POLA1: variants seen among roughly 807,000 people sequenced by gnomAD.
POLA1 encodes DNA polymerase alpha catalytic subunit.
In POLA1, 15 loss-of-function variants were observed where a neutral mutation model predicts 124.0. The ratio of observed to expected loss-of-function variants is 0.12; its 90% CI spans 0.08 to 0.19. The LOEUF is 0.19. Among genes scored for constraint, POLA1 ranks in the 10% least tolerant of loss-of-function variants. POLA1 has a pLI of 1.00. For synonymous variants in POLA1, 408 were observed against 389.4 expected, an observed-to-expected ratio of 1.05 and a Z score of -0.56; for missense variants, 886 against 1,103.4, an observed-to-expected ratio of 0.80 and a Z score of 2.79.
At chrX:24,698,237 C>T (rs1202557254) in intron 1 of POLA1, among the ~76,000 whole-genome samples, 4 of 111,739 alleles carry the variant, frequency 3.6e-5, no homozygotes, top group South Asian at 3.7e-4. Context: ...CCACTGCATC[C>T]GCTTGAATTT....
chrX:24,711,319 G>A (rs1284968042), intron 4 of POLA1, among the ~76,000 whole-genome samples: 1 of 112,254 alleles, frequency 8.9e-6, no homozygotes, highest in Non-Finnish European at 1.9e-5. Context: ...ATGTTATAGA[G>A]GTTTTGTACT....
intron 27 of POLA1, among the ~76,000 whole-genome samples, chrX:24,810,476 T>G (rs2045880906): frequency 9.0e-6 from 1 of 111,536 alleles, no homozygotes; most frequent in Admixed American, 9.5e-5. Flanking sequence ...TCCACTCCAC[T>G]CTCTATTTTA....
At position 24,768,807 on chromosome X, in the gene POLA1, T is replaced by C. The variant is rs891342715; in HGVS notation, c.2964+19815T>C. Among the ~76,000 whole-genome samples the C allele has an allele frequency of 2.7e-5, 3 of 111,940 alleles. No homozygotes were observed. The Admixed American group carries it at 2.8e-4, about 11-fold the overall frequency. The stretch of plus-strand genomic sequence containing the variant: ...TTCTGCACGGTGAATATTAAGCTCC[T>C]AAAGTGTTTGTTGCCCGGAAACAGC... On this transcript the variant is annotated intron_variant, in intron 26 of 36. Coordinates refer to ENST00000379068, the MANE Select transcript of POLA1 (RefSeq NM_001330360.2).
At chrX:24,723,126 TTTCTC>T in intron 10 of POLA1, 24 bp from the exon 11 acceptor site, 1 of 1,016,745 alleles carries the variant, frequency 9.8e-7, no homozygotes, top group East Asian at 3.0e-5. Flanking sequence ...AAATGTTTCT[TTTCTC>T]GTGATTTTCA....
chrX:24,934,983 A>G (rs772813941), intron 36 of POLA1, among the ~76,000 whole-genome samples: 1 of 111,381 alleles, frequency 9.0e-6, no homozygotes, highest in East Asian at 2.8e-4. Flanking sequence ...GGCCTCCCAA[A>G]GTGCTGGGAT....
intron 34 of POLA1, among the ~76,000 whole-genome samples, chrX:24,873,702 G>A (rs2046897328): frequency 8.9e-6 from 1 of 111,781 alleles, no homozygotes; most frequent in Non-Finnish European, 1.9e-5. Context: ...TTTGGGTGTG[G>A]TGGCTCAAAC....
chrX:24,909,472 G>A (rs2147176254), intron 35 of POLA1, among the ~76,000 whole-genome samples: 1 of 111,432 alleles, frequency 9.0e-6, no homozygotes, highest in East Asian at 2.8e-4. Context: ...AGTTTTCCCA[G>A]CACCATTTAT....
chrX:24,718,349 C>G (rs760150052), intron 10 of POLA1, among the ~76,000 whole-genome samples: 2 of 111,061 alleles, frequency 1.8e-5, no homozygotes, highest in Admixed American at 9.6e-5. Context: ...CCAGGGGAGG[C>G]CTGTCTGAGG....
intron 35 of POLA1, among the ~76,000 whole-genome samples, chrX:24,929,850 C>T (rs992145631): frequency 9.0e-6 from 1 of 111,683 alleles, no homozygotes. Flanking sequence ...GGTCATTAAA[C>T]GAGTGTTTTG....
chrX:24,779,840 A>G (rs186697498), intron 26 of POLA1, among the ~76,000 whole-genome samples: 1 of 112,388 alleles, frequency 8.9e-6, no homozygotes, highest in Non-Finnish European at 1.9e-5. Flanking sequence ...GAGTAGAGCC[A>G]GGATGCAAAT....
chrX:24,699,297 TA>T (rs1367664826), intron 1 of POLA1, 127 bp from the exon 2 acceptor site: 44 of 439,639 alleles, frequency 1.0e-4, no homozygotes, highest in Middle Eastern at 7.0e-4. Flanking sequence ...ATTTACATTA[TA>T]AACATTATCT....
intron 4 of POLA1, among the ~76,000 whole-genome samples, chrX:24,706,643 A>G (rs964918559): frequency 3.6e-5 from 4 of 112,251 alleles, no homozygotes; most frequent in African/African-American, 1.3e-4. Context: ...ATACACACAA[A>G]ATAATGTCAG....
Position 24,803,045 on chromosome X carries a change from C to T in POLA1, c.2965-6853C>T, listed in dbSNP as rs11573408. Among the ~76,000 whole-genome samples, 764 of 111,453 alleles carry T rather than the reference C, an allele frequency of 6.9e-3. 3 individuals are homozygous for T. The highest frequency in any genetic ancestry group is 0.023 in the African/African-American group (718 of 30,672). Reference sequence around the variant, plus strand: ...AATAAAAGATAGAAAGGAAACCAGTCCTTGGTTCTGGTTGAAGGTTTCTGG... The same window carrying T: ...AATAAAAGATAGAAAGGAAACCAGTTCTTGGTTCTGGTTGAAGGTTTCTGG... On this transcript the variant is annotated intron_variant, in intron 26 of 36. Coordinates refer to ENST00000379068, the MANE Select transcript of POLA1 (RefSeq NM_001330360.2).
chrX:24,765,277 C>T (rs1191005606), intron 26 of POLA1, among the ~76,000 whole-genome samples: 4 of 106,848 alleles, frequency 3.7e-5, no homozygotes, highest in Non-Finnish European at 5.8e-5. Flanking sequence ...CTTGTGTGTG[C>T]GTGGTGTTTT....
rs1930575689 is a variant in POLA1 at position 24,726,915 on chromosome X, T to C, written c.1393-18T>C. 7.9e-6 allele frequency: 9 copies of C among 1,144,084 alleles called. No individual in the cohort carries two copies. In the South Asian group the frequency reaches 1.8e-4, roughly 23 times the overall value. 94.3% of individuals were successfully genotyped at this position (1,144,084 alleles called of 1,213,427 possible). ...ATAGTTTTAAACAAAAAGATTCTTT[T>C]TTTTTTTCCTTTTTCAGGCTGAAAT... On this transcript the variant is annotated intron_variant, in intron 13 of 36. Coordinates refer to ENST00000379068, the MANE Select transcript of POLA1 (RefSeq NM_001330360.2).
chrX:24,757,241 A>G (rs1179200478), intron 26 of POLA1, among the ~76,000 whole-genome samples: 1 of 110,695 alleles, frequency 9.0e-6, no homozygotes, highest in Non-Finnish European at 1.9e-5. Flanking sequence ...TTCAGAACTG[A>G]TAACACATAC....
At chrX:24,975,059 T>C (rs929280105) in intron 36 of POLA1, among the ~76,000 whole-genome samples, 2 of 112,702 alleles carry the variant, frequency 1.8e-5, no homozygotes, top group Admixed American at 9.3e-5. Context: ...TCACCCAGGC[T>C]GGAGTGCAGT....
intron 26 of POLA1, among the ~76,000 whole-genome samples, chrX:24,774,987 T>G (rs1011118892): frequency 8.9e-6 from 1 of 112,497 alleles, no homozygotes; most frequent in African/African-American, 3.2e-5. Flanking sequence ...TAGTGGGATT[T>G]TAAACAGATA....
intron 10 of POLA1, among the ~76,000 whole-genome samples, chrX:24,721,736 T>C (rs1930215465): frequency 1.8e-5 from 2 of 112,464 alleles, no homozygotes; most frequent in South Asian, 7.4e-4. Flanking sequence ...TTGTTTACCA[T>C]GATCTTTGTT....
Sources: gnomAD v4.1 joint callset for allele counts (sites outside exome capture counted in the v4.1 genomes callset) on GRCh38, gnomAD v4.1.1 for gene constraint, MANE v1.5 for transcripts, NCBI Gene and HGNC (gene_info 2026-07-23, HGNC 2026-07-21) for gene names.